Variants in PHTF1 observed in about 807,000 individuals in gnomAD.
PHTF1 encodes the protein putative homeodomain transcription factor 1, also known as protein PHTF1.
PHTF1 carries 88 observed loss-of-function variants against 102.4 expected under a neutral mutation model. The observed-to-expected ratio is 0.86, with a 90% CI of 0.72 to 1.03. The LOEUF (loss-of-function observed/expected upper bound fraction) is 1.03. Ranked by LOEUF, PHTF1 falls within the 50% of genes least tolerant of loss-of-function variation. PHTF1 has a pLI of 0.00. For missense variants in PHTF1, 814 were observed against 909.5 expected (o/e 0.89, Z 1.35); for synonymous variants, 289 against 305.2 (o/e 0.95, Z 0.55).
chr1:113,741,823 G>T (rs905734524), intron 3 of PHTF1, among the ~76,000 whole-genome samples: 8 of 152,046 alleles, frequency 5.3e-5, no homozygotes, highest in African/African-American at 1.9e-4. Context: ...ATGTACAAGG[G>T]TTTCTCAGGA....
At chr1:113,725,398 A>C (rs2101437392) in intron 6 of PHTF1, 1 of 152,384 alleles carries the variant, frequency 6.6e-6, no homozygotes, top group South Asian at 2.1e-4. Flanking sequence ...AACTGAATTT[A>C]CAAGAAATCT....
chr1:113,720,470 C>A (rs1652741542), intron 7 of PHTF1, among the ~76,000 whole-genome samples: 4 of 152,218 alleles, frequency 2.6e-5, no homozygotes, highest in Admixed American at 2.6e-4. Flanking sequence ...AAACATTTTA[C>A]CTACTGGCTA....
chr1:113,740,695 A>T (rs1223121505), intron 3 of PHTF1, among the ~76,000 whole-genome samples: 1 of 152,154 alleles, frequency 6.6e-6, no homozygotes, highest in Non-Finnish European at 1.5e-5. Context: ...CAGGTCTTAC[A>T]TTTAAATCAT....
At position 113,738,799 on chromosome 1, in the gene PHTF1, C is replaced by G; in HGVS notation, c.103G>C (p.Gly35Arg). The G allele has an allele frequency of 6.3e-7, 1 of 1,576,356 alleles. No homozygotes were observed. Among genetic ancestry groups the G allele is most frequent in the Non-Finnish European group, 8.6e-7 (1 of 1,156,618 alleles). ...ATCTTTTTCGGTTTGTTTTTCAAAC[C>G]CTAGGATAAAACAAAACAAAAATAA... ...EKSIEQTQIKGLKNKPKKMGH... is the reference protein window; with the variant it reads ...EKSIEQTQIKRLKNKPKKMGH... The change falls in exon 4 of 19, where the codon GGT (glycine) becomes CGT (arginine). Residue 35 changes from glycine to arginine, a missense_variant and splice_region_variant. By Grantham distance (125) the Gly-to-Arg change is moderately radical. Coordinates refer to ENST00000369604, the MANE Select transcript of PHTF1 (RefSeq NM_001323043.2).
intron 5 of PHTF1, among the ~76,000 whole-genome samples, chr1:113,736,341 C>CA (rs57050485): frequency 2.5e-3 from 149 of 60,472 alleles, no homozygotes; most frequent in East Asian, 8.3e-3. Context: ...GACTCCATCT[C>CA]AAAAAAAAAA....
chr1:113,704,913 A>G, intron 13 of PHTF1, 116 bp from the exon 14 acceptor site: 1 of 766,734 alleles, frequency 1.3e-6, no homozygotes, highest in Non-Finnish European at 2.1e-6. Flanking sequence ...AGTTCTAATC[A>G]GTGTTCAGTA....
At chr1:113,758,922 T>G in intron 1 of PHTF1, 101 bp downstream of exon 1, 1 of 1,218,444 alleles carries the variant, frequency 8.2e-7, no homozygotes, top group Non-Finnish European at 1.0e-6. Context: ...GCCTCTGCAA[T>G]ATATCGGGCG....
chr1:113,748,812 G>A (rs1374833324), intron 3 of PHTF1, among the ~76,000 whole-genome samples: 1 of 152,140 alleles, frequency 6.6e-6, no homozygotes, highest in Non-Finnish European at 1.5e-5. Flanking sequence ...GATTACAGGC[G>A]TGAGCCACTG....
At chr1:113,756,842 T>C (rs1658955171) in intron 3 of PHTF1, among the ~76,000 whole-genome samples, 1 of 152,186 alleles carries the variant, frequency 6.6e-6, no homozygotes, top group South Asian at 2.1e-4. Context: ...AAGAGCTGTG[T>C]AGAAAAAAGT....
At position 113,712,068 on chromosome 1, in the gene PHTF1, T is replaced by C; in HGVS notation, c.829A>G (p.Ser277Gly). The stretch of plus-strand genomic sequence containing the variant: ...GTCCGTGCTTCACCATCTTCTTCAC[T>C]TGACAGGTCATCAGACACCCCATTA... ...LGNGVSDDLS[S>G]EEDGEARTQM... Residue 277 changes from serine to glycine, a missense_variant, in exon 9 of 19, where the codon AGT becomes GGT. By Grantham distance (56) the Ser-to-Gly change is moderately conservative. Transcript: ENST00000369604. 6.2e-7 allele frequency: 1 copy of C among 1,614,110 alleles called. No individual in the cohort carries two copies. Among genetic ancestry groups the C allele is most frequent in the Non-Finnish European group, 8.5e-7 (1 of 1,179,992 alleles).
intron 3 of PHTF1, among the ~76,000 whole-genome samples, chr1:113,756,288 C>G (rs568225137): frequency 2.2e-4 from 33 of 152,220 alleles, no homozygotes; most frequent in African/African-American, 7.2e-4. Flanking sequence ...ATCCTAACCC[C>G]ATCTCCCACT....
Position 113,697,736 on chromosome 1 carries a change from A to G in PHTF1, c.2269-11T>C. 6.3e-7 allele frequency: 1 copy of G among 1,596,848 alleles called. No individual in the cohort carries two copies. Among genetic ancestry groups the G allele is most frequent in the Non-Finnish European group, 8.6e-7 (1 of 1,164,498 alleles). On this transcript the variant is annotated splice_polypyrimidine_tract_variant and intron_variant, in intron 18 of 18. Coordinates refer to ENST00000369604, the MANE Select transcript of PHTF1 (RefSeq NM_001323043.2). Reference sequence around the variant, plus strand: ...TTTAATTTTCCACAGCTAAGAGAACAAAATCACCAAAATAAGTTAGTTCTA... The same window carrying G: ...TTTAATTTTCCACAGCTAAGAGAACGAAATCACCAAAATAAGTTAGTTCTA...
intron 15 of PHTF1, 186 bp downstream of exon 15, chr1:113,703,894 GA>G (rs1329333517): frequency 1.9e-6 from 1 of 531,704 alleles, no homozygotes; most frequent in Non-Finnish European, 3.4e-6. Context: ...CTTACAGTTT[GA>G]AAGGACTTCA....
At chr1:113,705,822 A>T (rs1228896103) in intron 13 of PHTF1, 68 bp downstream of exon 13, 2 of 1,240,570 alleles carry the variant, frequency 1.6e-6, no homozygotes, top group African/African-American at 3.0e-5. Flanking sequence ...AATCAAGAGA[A>T]CAAAAGCAAC....
intron 3 of PHTF1, among the ~76,000 whole-genome samples, chr1:113,739,907 A>C (rs986483675): frequency 3.3e-5 from 5 of 152,218 alleles, no homozygotes; most frequent in Non-Finnish European, 5.9e-5. Flanking sequence ...TGAATGACAC[A>C]ACTTCATTCT....
chr1:113,749,018 G>T (rs912231866), intron 3 of PHTF1, among the ~76,000 whole-genome samples: 2 of 152,012 alleles, frequency 1.3e-5, no homozygotes, highest in African/African-American at 4.8e-5. Flanking sequence ...TACCTCACAT[G>T]GTTATTATTT....
chr1:113,719,945 C>G (rs1386077446), intron 7 of PHTF1, among the ~76,000 whole-genome samples: 4 of 152,110 alleles, frequency 2.6e-5, no homozygotes, highest in Non-Finnish European at 5.9e-5. Flanking sequence ...ATGGTGGCGG[C>G]AAGAGAAAGA....
chr1:113,750,749 G>A (rs1394340485), intron 3 of PHTF1, among the ~76,000 whole-genome samples: 5 of 151,838 alleles, frequency 3.3e-5, no homozygotes, highest in Non-Finnish European at 7.4e-5. Context: ...CCAGCCACTC[G>A]GGAGGCTGAG....
chr1:113,722,255 T>C (rs1050154804), intron 7 of PHTF1, among the ~76,000 whole-genome samples: 1 of 151,700 alleles, frequency 6.6e-6, no homozygotes, highest in Non-Finnish European at 1.5e-5. Flanking sequence ...ATCGAGACCA[T>C]GGTGAAACCC....
Sources: allele counts gnomAD v4.1 joint callset (sites outside exome capture counted in the v4.1 genomes callset), GRCh38; gene constraint gnomAD v4.1.1; transcripts MANE v1.5; gene names NCBI Gene and HGNC (gene_info 2026-07-23, HGNC 2026-07-21).